RS1: variants seen among roughly 807,000 people sequenced by gnomAD.
The protein encoded by RS1 is retinoschisin.
RS1 carries 2 observed loss-of-function variants against 20.8 expected under a neutral mutation model. That is an observed-to-expected ratio of 0.10 (90% CI 0.04 to 0.30). The LOEUF is 0.30. Among genes scored for constraint, RS1 ranks in the 10% least tolerant of loss-of-function variants. RS1 has a pLI of 1.00. For synonymous variants in RS1, 70 were observed against 75.8 expected, an observed-to-expected ratio of 0.92 and a Z score of 0.40; for missense variants, 151 against 189.8, an observed-to-expected ratio of 0.80 and a Z score of 1.20.
rs1462913178 is a variant in RS1 at position 18,647,578 on chromosome X, A to G, written c.185-246T>C. 1.0e-5 allele frequency: 4 copies of G among 397,975 alleles called. No individual in the cohort carries two copies. The African/African-American group carries it at 1.0e-4, about 10-fold the overall frequency. 32.8% of individuals were successfully genotyped at this position (397,975 alleles called of 1,213,427 possible). On this transcript the variant is annotated intron_variant, in intron 3 of 5. Transcript: ENST00000379984. ...AACAGCCTTTGTAAAAGCAGAGGGA[A>G]GTGGCTCTATGGCAACTTCACAAGG...
At chrX:18,666,834 C>T (rs935382984) in intron 1 of RS1, among the ~76,000 whole-genome samples, 9 of 110,192 alleles carry the variant, frequency 8.2e-5, no homozygotes, top group Admixed American at 1.9e-4. Context: ...GAGGCTGGGG[C>T]AACTGGGAGG....
rs186334493 is a variant in RS1, at chrX:18,642,103, G to T, written c.576C>A (p.Pro192=). The T allele has an allele frequency of 8.3e-7, 1 of 1,211,640 alleles. No homozygotes were observed. Among genetic ancestry groups the T allele is most frequent in the East Asian group, 3.0e-5 (1 of 33,822 alleles). ...RTSTVQNLLR[P]PIISRFIRLI... ...GGCGGATGAAGCGGGAGATGATGGG[G>T]GGCCGCAGCAGGTTCTGAACCGTGG... Residue 192 remains proline, a synonymous_variant, in exon 6 of 6, where the codon CCC becomes CCA. Transcript: ENST00000379984.
intron 3 of RS1, chrX:18,653,648 C>G (rs1602318472): frequency 1.9e-6 from 2 of 1,060,978 alleles, no homozygotes; most frequent in East Asian, 6.6e-5. Flanking sequence ...TTGAGTTTTC[C>G]TTTCTGAAAA....
chrX:18,660,031 A>G (rs1304822923), intron 1 of RS1, among the ~76,000 whole-genome samples: 1 of 111,167 alleles, frequency 9.0e-6, no homozygotes, highest in Non-Finnish European at 1.9e-5. Context: ...TGATCCTCCA[A>G]TCATATTTCC....
intron 5 of RS1, among the ~76,000 whole-genome samples, chrX:18,642,409 T>A (rs1201479133): frequency 8.9e-6 from 1 of 111,781 alleles, no homozygotes; most frequent in Non-Finnish European, 1.9e-5. Flanking sequence ...TTAATTAAAA[T>A]TAGATAAAAA....
At chrX:18,652,642 T>C (rs779360420) in intron 3 of RS1, among the ~76,000 whole-genome samples, 13 of 108,491 alleles carry the variant, frequency 1.2e-4, no homozygotes, top group South Asian at 4.0e-4. Context: ...GCACTCCAGC[T>C]TGGGCAACAG....
At chrX:18,665,535 C>A (rs965843861) in intron 1 of RS1, among the ~76,000 whole-genome samples, 2 of 110,290 alleles carry the variant, frequency 1.8e-5, no homozygotes, top group African/African-American at 6.6e-5. Flanking sequence ...TGCGTCCCCC[C>A]ACCCCTACTT....
At chrX:18,653,770 C>T (rs1025675689) in intron 3 of RS1, 1 of 392,111 alleles carries the variant, frequency 2.6e-6, no homozygotes, top group Non-Finnish European at 4.4e-6. Flanking sequence ...GAGTTCGAGA[C>T]CAGCCTGGGC....
At chrX:18,648,173 G>A (rs752393030) in intron 3 of RS1, among the ~76,000 whole-genome samples, 6 of 111,253 alleles carry the variant, frequency 5.4e-5, no homozygotes, top group Non-Finnish European at 1.1e-4. Context: ...GCAGTGGCAG[G>A]CACAGTGTCG....
At chrX:18,648,294 T>G (rs974704983) in intron 3 of RS1, among the ~76,000 whole-genome samples, 14 of 109,605 alleles carry the variant, frequency 1.3e-4, no homozygotes, top group African/African-American at 4.6e-4. Context: ...TAGGCTGCAG[T>G]GCGGTGCTGC....
At position 18,640,981 on chromosome X, in the gene RS1, A is replaced by G. The variant is rs1927554472; in HGVS notation, c.*1023T>C. The G allele has an allele frequency of 8.9e-6, 1 of 112,842 alleles. No homozygotes were observed. The highest frequency in any genetic ancestry group is 1.9e-5 in the Non-Finnish European group (1 of 53,252). The allele number at this position is 112,842 out of a possible 1,213,427, so 9.3% of individuals were successfully genotyped here. A position where few individuals can be genotyped will look rare whatever the true frequency, so the allele number is the denominator to read the frequency against. On this transcript the variant is annotated 3_prime_UTR_variant, in exon 6 of 6. Coordinates refer to ENST00000379984, the MANE Select transcript of RS1 (RefSeq NM_000330.4). Reference sequence around the variant, plus strand: ...GGAGCAGGCGCAGTTTGCGTATTGCAAGGCAGAGGGTGGAGGGTGAGAAGC... The same window carrying G: ...GGAGCAGGCGCAGTTTGCGTATTGCGAGGCAGAGGGTGGAGGGTGAGAAGC...
chrX:18,647,893 G>GAAA (rs5901648), intron 3 of RS1, among the ~76,000 whole-genome samples: 1 of 106,821 alleles, frequency 9.4e-6, no homozygotes, highest in African/African-American at 3.4e-5. Flanking sequence ...CCAGTCTAAT[G>GAAA]AAAAAAAAAA....
rs1479564549 is a variant in RS1, at chrX:18,641,661, A to G, written c.*343T>C. ...AAAGCAAATGAATTTTCAAATTATC[A>G]GGGCTGCTTTGTGTTCCCCTGAGAC... On this transcript the variant is annotated 3_prime_UTR_variant, in exon 6 of 6. Coordinates refer to ENST00000379984, the MANE Select transcript of RS1 (RefSeq NM_000330.4). 1 of 234,944 alleles carries G rather than the reference A, an allele frequency of 4.3e-6. No individual in the cohort carries two copies. The highest frequency in any genetic ancestry group is 2.8e-5 in the African/African-American group (1 of 35,200). The allele number at this position is 234,944 out of a possible 1,213,427, so 19.4% of individuals were successfully genotyped here.
chrX:18,661,120 C>T (rs929632519), intron 1 of RS1, among the ~76,000 whole-genome samples: 5 of 111,959 alleles, frequency 4.5e-5, no homozygotes, highest in Non-Finnish European at 7.5e-5. Flanking sequence ...AGTGTCCCCC[C>T]AAAATTCATA....
intron 3 of RS1, among the ~76,000 whole-genome samples, chrX:18,651,460 G>A (rs1023145189): frequency 2.7e-5 from 3 of 111,129 alleles, no homozygotes; most frequent in Admixed American, 9.6e-5. Context: ...GGGCCTGAGC[G>A]CAGCAGAGAG....
chrX:18,645,881 G>A (rs1158841270), intron 4 of RS1: 11 of 1,104,859 alleles, frequency 1.0e-5, no homozygotes, highest in African/African-American at 1.8e-5. Context: ...CTTGCAACTA[G>A]ATGGGGCCCC....
rs1479054834 is a variant in RS1, at chrX:18,650,452, C to T, written c.185-3120G>A. ...GGTGACCCAAAGAAGCCTCACACTC[C>T]GTGCGTCCCAAACCGAGCCCTTCAT... On this transcript the variant is annotated intron_variant, in intron 3 of 5. Coordinates refer to ENST00000379984, the MANE Select transcript of RS1 (RefSeq NM_000330.4). 2 of 1,211,907 alleles carry T rather than the reference C, an allele frequency of 1.7e-6. No homozygotes were observed. The highest frequency in any genetic ancestry group is 2.2e-5 in the Admixed American group (1 of 46,072).
chrX:18,645,928 T>C (rs892140990), intron 4 of RS1: 2 of 1,202,000 alleles, frequency 1.7e-6, no homozygotes, highest in Non-Finnish European at 2.2e-6. Flanking sequence ...TGGGCAGAAG[T>C]GGCCAATAGA....
At chrX:18,653,670 T>A in intron 3 of RS1, 1 of 994,046 alleles carries the variant, frequency 1.0e-6, no homozygotes, top group Admixed American at 2.6e-5. Context: ...ATCTGTGTTG[T>A]TAAGATCAAA....
Sources: gnomAD v4.1 joint callset for allele counts (sites outside exome capture counted in the v4.1 genomes callset) on GRCh38, gnomAD v4.1.1 for gene constraint, MANE v1.5 for transcripts, NCBI Gene and HGNC (gene_info 2026-07-23, HGNC 2026-07-21) for gene names.